HHAT: variants seen among roughly 807,000 people sequenced by gnomAD.
The protein encoded by HHAT is hedgehog acyltransferase.
A neutral mutation model predicts 70.8 loss-of-function variants in HHAT; 47 were observed. The observed-to-expected ratio is 0.66, with a 90% CI of 0.53 to 0.85. The LOEUF (loss-of-function observed/expected upper bound fraction) is 0.85. Among genes scored for constraint, HHAT ranks in the 40% least tolerant of loss-of-function variants. The pLI, the probability that HHAT is intolerant of heterozygous loss-of-function variation, is 0.00. For missense variants in HHAT, 609 were observed against 604.8 expected (o/e 1.01, Z -0.07); for synonymous variants, 228 against 247.6 (o/e 0.92, Z 0.74).
At chr1:210,565,230 G>A (rs974891495) in intron 9 of HHAT, among the ~76,000 whole-genome samples, 1 of 152,198 alleles carries the variant, frequency 6.6e-6, no homozygotes, top group Admixed American at 6.5e-5. Context: ...ATATGGTTCG[G>A]GAAGGAGAGG....
At chr1:210,620,632 A>C (rs1668637025) in intron 10 of HHAT, among the ~76,000 whole-genome samples, 1 of 152,042 alleles carries the variant, frequency 6.6e-6, no homozygotes, top group Admixed American at 6.5e-5. Context: ...ATCATCGTCT[A>C]TTTTGTCTCC....
Position 210,595,460 on chromosome 1 carries a change from T to C in HHAT, c.1245+7361T>C, listed in dbSNP as rs145712377. Among the ~76,000 whole-genome samples, 930 of 152,360 alleles carry C rather than the reference T, an allele frequency of 6.1e-3. 12 individuals carry two copies. The highest frequency in any genetic ancestry group is 0.021 in the African/African-American group (880 of 41,592). ...TCTGTCTTTATAGCAGCATGACTTA[T>C]AATCCTTTGGGTATATACCCAGTAA... On this transcript the variant is annotated intron_variant, in intron 10 of 11. Transcript: ENST00000261458.
intron 7 of HHAT, among the ~76,000 whole-genome samples, chr1:210,449,187 C>CA (rs955471863): frequency 2.6e-5 from 4 of 152,162 alleles, no homozygotes; most frequent in Non-Finnish European, 4.4e-5. Context: ...GTCTGACACT[C>CA]AGACTCTGGC....
intron 9 of HHAT, among the ~76,000 whole-genome samples, chr1:210,574,960 ATG>A (rs1342376413): frequency 2.0e-5 from 3 of 152,198 alleles, no homozygotes; most frequent in African/African-American, 7.2e-5. Flanking sequence ...ACTGAATAGG[ATG>A]TGAGTGAGAG....
rs2086227377 is a variant in HHAT, at chr1:210,343,585, AAATG to A, written c.-43-5345_-43-5342del. On this transcript the variant is annotated intron_variant, in intron 1 of 11. Coordinates refer to ENST00000261458, the MANE Select transcript of HHAT (RefSeq NM_018194.6). ...TGGCATTCGTGTAATGGAGAGGTGA[AAATG>A]AAAGTGGAAAGTACTGCCTGTCATT... 1.3e-5 allele frequency among the ~76,000 whole-genome samples: 2 copies of A among 152,120 alleles called. 1 individual carries two copies. The highest frequency in any genetic ancestry group is 4.2e-4 in the South Asian group (2 of 4,818).
intron 9 of HHAT, among the ~76,000 whole-genome samples, chr1:210,565,453 A>T (rs1252304183): frequency 6.6e-6 from 1 of 152,200 alleles, no homozygotes; most frequent in East Asian, 1.9e-4. Flanking sequence ...TTTGGTGATG[A>T]TGCAAATATA....
intron 7 of HHAT, among the ~76,000 whole-genome samples, chr1:210,453,960 TCA>T (rs1412426350): frequency 3.3e-5 from 5 of 152,122 alleles, no homozygotes; most frequent in African/African-American, 9.7e-5. Context: ...GGCCTCAGAA[TCA>T]CAGAGGGAGG....
intron 9 of HHAT, among the ~76,000 whole-genome samples, chr1:210,578,855 T>G (rs149403298): frequency 1.5e-4 from 23 of 152,310 alleles, no homozygotes; most frequent in Non-Finnish European, 3.2e-4. Flanking sequence ...TCCACATGTA[T>G]GTAGATGTTT....
intron 10 of HHAT, among the ~76,000 whole-genome samples, chr1:210,593,812 T>A (rs1313035838): frequency 1.3e-5 from 2 of 152,184 alleles, no homozygotes; most frequent in African/African-American, 4.8e-5. Flanking sequence ...TTAGCTCTAA[T>A]AATATTTGCT....
At chr1:210,421,808 C>A (rs1572326606) in intron 7 of HHAT, among the ~76,000 whole-genome samples, 1 of 151,958 alleles carries the variant, frequency 6.6e-6, no homozygotes, top group East Asian at 1.9e-4. Flanking sequence ...GGATTTCTGT[C>A]TTTTTCTTGT....
intron 9 of HHAT, among the ~76,000 whole-genome samples, chr1:210,570,250 T>C (rs1655918719): frequency 6.6e-6 from 1 of 152,148 alleles, no homozygotes; most frequent in Non-Finnish European, 1.5e-5. Context: ...TTTGAGCTCA[T>C]CCAGAGCCAT....
intron 8 of HHAT, among the ~76,000 whole-genome samples, chr1:210,490,230 T>A (rs2094531094): frequency 6.6e-6 from 1 of 152,162 alleles, no homozygotes; most frequent in African/African-American, 2.4e-5. Context: ...GACCAAGTAA[T>A]GGTGTAGAAG....
At chr1:210,560,189 A>G (rs913373589) in intron 9 of HHAT, among the ~76,000 whole-genome samples, 2 of 152,196 alleles carry the variant, frequency 1.3e-5, no homozygotes, top group African/African-American at 4.8e-5. Context: ...TGACCTTTGA[A>G]TTGGTATTTA....
At chr1:210,542,456 T>C (rs1469906064) in intron 9 of HHAT, among the ~76,000 whole-genome samples, 1 of 151,732 alleles carries the variant, frequency 6.6e-6, no homozygotes, top group East Asian at 1.9e-4. Flanking sequence ...AAGTAAAATT[T>C]GGACAGTTTT....
intron 9 of HHAT, among the ~76,000 whole-genome samples, chr1:210,547,402 G>T (rs983444838): frequency 1.3e-5 from 2 of 152,040 alleles, no homozygotes; most frequent in African/African-American, 4.8e-5. Flanking sequence ...AATTTAAGTT[G>T]GTTCTCCATG....
intron 8 of HHAT, among the ~76,000 whole-genome samples, chr1:210,495,162 G>A (rs1268410965): frequency 1.3e-5 from 2 of 151,888 alleles, no homozygotes; most frequent in Non-Finnish European, 2.9e-5. Flanking sequence ...GGGACTCAGT[G>A]AAAATCAAGG....
At chr1:210,424,330 G>A (rs1045810112) in intron 7 of HHAT, among the ~76,000 whole-genome samples, 12 of 151,872 alleles carry the variant, frequency 7.9e-5, no homozygotes, top group African/African-American at 2.7e-4. Flanking sequence ...GTTCACTGTT[G>A]GTGTATAGAA....
intron 9 of HHAT, among the ~76,000 whole-genome samples, chr1:210,579,721 G>T (rs1337505616): frequency 2.0e-5 from 3 of 152,162 alleles, no homozygotes; most frequent in African/African-American, 7.2e-5. Flanking sequence ...CAAGCACTGC[G>T]CTCTTTCTTG....
In HHAT at chr1:210,631,540, C is replaced by T. The variant is rs150690163; in HGVS notation, c.1390+7870C>T. Among the ~76,000 whole-genome samples the T allele has an allele frequency of 1.5e-3, 235 of 152,344 alleles. 1 individual carries two copies. Among genetic ancestry groups the T allele is most frequent in the African/African-American group, 4.7e-3 (195 of 41,572 alleles). ...CTGACATTGCATTAGATTGCTCCCA[C>T]GCCCTGTTTCCAGTGTAATTACTCT... On this transcript the variant is annotated intron_variant, in intron 11 of 11. Coordinates refer to ENST00000261458, the MANE Select transcript of HHAT (RefSeq NM_018194.6).
Sources: gnomAD v4.1 joint callset for allele counts (sites outside exome capture counted in the v4.1 genomes callset) on GRCh38, gnomAD v4.1.1 for gene constraint, MANE v1.5 for transcripts, NCBI Gene and HGNC (gene_info 2026-07-23, HGNC 2026-07-21) for gene names.